Variants in ELMO3 observed in about 807,000 individuals in gnomAD.
ELMO3 encodes engulfment and cell motility protein 3.
Under a neutral mutation model 89.0 loss-of-function variants are expected in ELMO3, and 81 were observed. The ratio of observed to expected loss-of-function variants is 0.91; its 90% CI spans 0.76 to 1.09. The LOEUF (loss-of-function observed/expected upper bound fraction) is 1.09, where lower values mean the gene tolerates loss of function less well. Among genes scored for constraint, ELMO3 ranks in the 50% least tolerant of loss-of-function variants. ELMO3 has a pLI of 0.00. For missense variants in ELMO3, 959 were observed against 972.8 expected (o/e 0.99, Z 0.19); for synonymous variants, 406 against 400.6 (o/e 1.01, Z -0.16).
At position 67,202,225 on chromosome 16, in the gene ELMO3, C is replaced by A; in HGVS notation, c.1202C>A (p.Ala401Asp). 6.2e-7 allele frequency: 1 copy of A among 1,605,514 alleles called. No individual in the cohort carries two copies. The highest frequency in any genetic ancestry group is 1.7e-5 in the Admixed American group (1 of 59,750). The change falls in exon 13 of 20, where the codon GCC becomes GAC. Residue 401 changes from alanine (A) to aspartate (D), a missense_variant. By Grantham distance (126) the Ala-to-Asp change is moderately radical. Transcript: ENST00000393997. ...GAGGACAAGCACGAGTGCCCCTTTG[C>A]CCGGGGCAGCATCCAGCTGACGGTG... ...SREDKHECPF[A>D]RGSIQLTVLL...
At chr16:67,199,913 C>T in intron 3 of ELMO3, 38 bp from the exon 4 acceptor site, 2 of 1,613,884 alleles carry the variant, frequency 1.2e-6, no homozygotes, top group Non-Finnish European at 8.5e-7. Context: ...CCTCGGAGCC[C>T]TCCCTGACCT....
rs757403535 is a variant in ELMO3, at chr16:67,202,483, T to C, written c.1348T>C (p.Leu450=). 3.1e-6 allele frequency: 5 copies of C among 1,613,084 alleles called. No individual in the cohort carries two copies. Among genetic ancestry groups the C allele is most frequent in the East Asian group, 2.2e-5 (1 of 44,882 alleles). ...HELFCVGIQL[L]NKTWKEMRAT... Reference sequence around the variant, plus strand: ...GCTCTTCTGTGTGGGCATCCAGCTGTTGAATAAGACCTGGAAGGAGATGCG... The same window carrying C: ...GCTCTTCTGTGTGGGCATCCAGCTGCTGAATAAGACCTGGAAGGAGATGCG... The change falls in exon 14 of 20, where the codon TTG becomes CTG. Residue 450 remains leucine, a synonymous_variant. Coordinates refer to ENST00000393997, the MANE Select transcript of ELMO3 (RefSeq NM_024712.5).
chr16:67,199,733 C>T lies in ELMO3; in HGVS notation c.169C>T (p.His57Tyr), dbSNP rs1597279122. 2 of 1,611,344 alleles carry T rather than the reference C, an allele frequency of 1.2e-6. No homozygotes were observed. Among genetic ancestry groups the T allele is most frequent in the East Asian group, 2.2e-5 (1 of 44,864 alleles). ...ERYALQFADG[H>Y]RRYITENNRA... is the part of the protein sequence containing the mutation. ...TTACGCCCTGCAGTTTGCGGATGGG[C>T]ACCGGAGATACATCACCGAGAATGT... The change falls in exon 3 of 20, where the codon CAC becomes TAC. Residue 57 changes from histidine to tyrosine, a missense_variant. His to Tyr is a moderately conservative substitution (Grantham distance 83). Transcript: ENST00000393997.
At chr16:67,199,889 C>T in intron 3 of ELMO3, 62 bp from the exon 4 acceptor site, 2 of 1,612,164 alleles carry the variant, frequency 1.2e-6, no homozygotes, top group Non-Finnish European at 1.7e-6. Flanking sequence ...TCACCGACAC[C>T]CCAGTTGATC....
rs776604078 is a variant in ELMO3, at chr16:67,202,059, C to T, written c.1133C>T (p.Ala378Val). ...LDNMLYFSRN[A>V]PSAYSRFVLE... ...AACATGTTGTACTTCTCCAGAAACG[C>T]GCCCAGCGCGTACAGCCGGGTCGGT... The change falls in exon 12 of 20, where the codon GCG becomes GTG. Residue 378 changes from alanine to valine, a missense_variant. Ala to Val is a moderately conservative substitution (Grantham distance 64). Coordinates refer to ENST00000393997, the MANE Select transcript of ELMO3 (RefSeq NM_024712.5). 9.3e-6 allele frequency: 15 copies of T among 1,613,062 alleles called. No individual in the cohort carries two copies. The highest frequency in any genetic ancestry group is 4.4e-5 in the South Asian group (4 of 91,076).
Position 67,200,723 on chromosome 16 carries a change from G to C in ELMO3, c.580G>C (p.Glu194Gln), listed in dbSNP as rs559407158. The C allele has an allele frequency of 6.2e-7, 1 of 1,613,666 alleles. No homozygotes were observed. The highest frequency in any genetic ancestry group is 8.5e-7 in the Non-Finnish European group (1 of 1,180,014). The change falls in exon 7 of 20, where the codon GAG becomes CAG. Residue 194 changes from glutamate to glutamine, a missense_variant. Coordinates refer to ENST00000393997, the MANE Select transcript of ELMO3 (RefSeq NM_024712.5). The stretch of plus-strand genomic sequence containing the variant: ...GCCTCCCCTGGCCCTTGGGCTGCTG[G>C]AGAGTGTGACCTTGAGCAGCCCAGC... ...SVPPLALGLL[E>Q]SVTLSSPALG...
In ELMO3 at chr16:67,202,973, C is replaced by T. The variant is rs746117696; in HGVS notation, c.1644C>T (p.Leu548=). 2.7e-5 allele frequency: 43 copies of T among 1,607,796 alleles called. No homozygotes were observed. The East Asian group carries it at 8.2e-4, about 31-fold the overall frequency. Residue 548 remains leucine (L), a synonymous_variant, in exon 16 of 20, where the codon CTC becomes CTT. Coordinates refer to ENST00000393997, the MANE Select transcript of ELMO3 (RefSeq NM_024712.5). The part of the protein sequence containing the change: ...QRLLRLCEGT[L]FRKISSRRRQ... Reference sequence around the variant, plus strand: ...TGCTCCGCCTCTGTGAGGGGACGCTCTTCCGCAAGATCAGCAGCCGGCGGC... The same window carrying T: ...TGCTCCGCCTCTGTGAGGGGACGCTTTTCCGCAAGATCAGCAGCCGGCGGC...
rs1310018158 is a variant in ELMO3 at position 67,199,389 on chromosome 16, C to T, written c.63C>T (p.Leu21=). 1 of 1,607,130 alleles carries T rather than the reference C, an allele frequency of 6.2e-7. No homozygotes were observed. The highest frequency in any genetic ancestry group is 8.5e-7 in the Non-Finnish European group (1 of 1,179,026). ...AIKMRDAIPQ[L]IQLDQAKPLA... ...AGATGCGTGACGCCATCCCGCAGCT[C>T]ATCCAGCTGGACCAGGTCACCCGGC... Residue 21 remains leucine, a synonymous_variant, in exon 1 of 20, where the codon CTC becomes CTT. Transcript: ENST00000393997.
rs751599412 is a variant in ELMO3, at chr16:67,202,582, C to G, written c.1399-45C>G. ...GCCTGGGCCAGGGCAGGGGGCTGATCTGGGTACAGAGCTTAGGCCCTGAGC... is the reference window on the plus strand; with the variant it reads ...GCCTGGGCCAGGGCAGGGGGCTGATGTGGGTACAGAGCTTAGGCCCTGAGC... On this transcript the variant is annotated intron_variant, in intron 14 of 19. Coordinates refer to ENST00000393997, the MANE Select transcript of ELMO3 (RefSeq NM_024712.5). The G allele has an allele frequency of 1.9e-6, 3 of 1,612,394 alleles. No homozygotes were observed. The Admixed American group carries it at 5.0e-5, about 27-fold the overall frequency.
chr16:67,202,741 C>T lies in ELMO3; in HGVS notation c.1513C>T (p.Arg505Trp), dbSNP rs745521301. 3.7e-6 allele frequency: 6 copies of T among 1,613,600 alleles called. No individual in the cohort carries two copies. The highest frequency in any genetic ancestry group is 5.1e-6 in the Non-Finnish European group (6 of 1,179,984). Residue 505 changes from arginine (R) to tryptophan (W), a missense_variant, in exon 15 of 20, where the codon CGG becomes TGG. Coordinates refer to ENST00000393997, the MANE Select transcript of ELMO3 (RefSeq NM_024712.5). ...CACTTATGGGGAGGTGCTGCGGCTG[C>T]GGCAGACTGAACGGCTGCACCAGGA... ...ALTYGEVLRL[R>W]QTERLHQEGT...
At chr16:67,201,337 G>T in intron 8 of ELMO3, 48 bp from the exon 9 acceptor site, 1 of 1,610,948 alleles carries the variant, frequency 6.2e-7, no homozygotes, top group Non-Finnish European at 8.5e-7. Context: ...GATTACAGGC[G>T]TGAGCCACCG....
chr16:67,199,414 C>T lies in ELMO3; in HGVS notation c.78+10C>T. 7 of 1,603,056 alleles carry T rather than the reference C, an allele frequency of 4.4e-6. No individual in the cohort carries two copies. Among genetic ancestry groups the T allele is most frequent in the Non-Finnish European group, 5.9e-6 (7 of 1,179,042 alleles). Reference sequence around the variant, plus strand: ...CATCCAGCTGGACCAGGTCACCCGGCTGGTCCCGCCTCCATCTGCCCCACT... The same window carrying T: ...CATCCAGCTGGACCAGGTCACCCGGTTGGTCCCGCCTCCATCTGCCCCACT... On this transcript the variant is annotated intron_variant, in intron 1 of 19. Coordinates refer to ENST00000393997, the MANE Select transcript of ELMO3 (RefSeq NM_024712.5).
chr16:67,201,311 C>T, intron 8 of ELMO3, 74 bp from the exon 9 acceptor site: 5 of 1,597,490 alleles, frequency 3.1e-6, no homozygotes, highest in Non-Finnish European at 4.3e-6. Flanking sequence ...CCCGCCTTGG[C>T]CTCCCAAAGT....
At position 67,199,789 on chromosome 16, in the gene ELMO3, C is replaced by G. The variant is rs762490569; in HGVS notation, c.192+33C>G. 3 of 1,607,024 alleles carry G rather than the reference C, an allele frequency of 1.9e-6. No homozygotes were observed. The African/African-American group carries it at 4.0e-5, about 22-fold the overall frequency. The stretch of plus-strand genomic sequence containing the variant: ...CCCTCTCCCCAGCCCCAAGCTCGGC[C>G]TTCCGACCCCTCTAACCCACCTGGC... On this transcript the variant is annotated intron_variant, in intron 3 of 19. Coordinates refer to ENST00000393997, the MANE Select transcript of ELMO3 (RefSeq NM_024712.5).
At position 67,199,217 on chromosome 16, in the gene ELMO3, G is replaced by A. The variant is rs1346964926; in HGVS notation, c.-110G>A. The A allele has an allele frequency of 1.2e-6, 2 of 1,611,252 alleles. No homozygotes were observed. The highest frequency in any genetic ancestry group is 1.7e-6 in the Non-Finnish European group (2 of 1,179,518). ...CGCGAGTGCGGGACACCGAGGTCAG[G>A]TCTCGGAAAGGGAGGACCTCCTCGT... is the stretch of plus-strand genomic sequence containing the variant. On this transcript the variant is annotated 5_prime_UTR_variant, in exon 1 of 20. Transcript: ENST00000393997.
rs770450376 is a variant in ELMO3 at position 67,201,749 on chromosome 16, G to A, written c.926G>A (p.Arg309Gln). ...TPLDPYSQEQ[R>Q]EQLQVLRQAA... Reference sequence around the variant, plus strand: ...ACCCAACACTGACCCCAGGAGCAGCGGGAGCAGCTGCAGGTCCTACGCCAG... The same window carrying A: ...ACCCAACACTGACCCCAGGAGCAGCAGGAGCAGCTGCAGGTCCTACGCCAG... The change falls in exon 11 of 20, where the codon CGG becomes CAG. Residue 309 changes from arginine (R) to glutamine (Q), a missense_variant. Coordinates refer to ENST00000393997, the MANE Select transcript of ELMO3 (RefSeq NM_024712.5). 46 of 1,610,118 alleles carry A rather than the reference G, an allele frequency of 2.9e-5. 1 individual carries two copies. In the East Asian group the frequency reaches 6.7e-4, roughly 23 times the overall value.
In ELMO3 at chr16:67,202,778, C is replaced by A. The variant is rs1409403666; in HGVS notation, c.1550C>A (p.Ala517Asp). The stretch of plus-strand genomic sequence containing the variant: ...CGGCTGCACCAGGAGGGCACACTGG[C>A]TCCCCCTATACTGTGAGTCTGGGGG... ...TERLHQEGTL[A>D]PPILELREKL... is the part of the protein sequence containing the mutation. The change falls in exon 15 of 20, where the codon GCT becomes GAT. Residue 517 changes from alanine to aspartate, a missense_variant. Transcript: ENST00000393997. 6.2e-7 allele frequency: 1 copy of A among 1,613,442 alleles called. No individual in the cohort carries two copies. The highest frequency in any genetic ancestry group is 2.2e-5 in the East Asian group (1 of 44,876).
rs371551984 is a variant in ELMO3, at chr16:67,203,381, G to A, written c.1835G>A (p.Arg612Gln). The change falls in exon 18 of 20, where the codon CGG becomes CAG. Residue 612 changes from arginine to glutamine, a missense_variant. Coordinates refer to ENST00000393997, the MANE Select transcript of ELMO3 (RefSeq NM_024712.5). This position sits in a 1 kb window ranked among gnomAD's most constrained non-coding sequence, Gnocchi z 4.6. The stretch of plus-strand genomic sequence containing the variant: ...ACAGGCAAGGACTGCCCCCATGTCC[G>A]GGAGAAGGGCTCCGGGAAGCAGAAC... The part of the protein sequence containing the change: ...LLTGKDCPHV[R>Q]EKGSGKQNKD... 46 of 1,610,436 alleles carry A rather than the reference G, an allele frequency of 2.9e-5. No individual in the cohort carries two copies. Among genetic ancestry groups the A allele is most frequent in the African/African-American group, 2.0e-4 (15 of 74,858 alleles).
rs773629922 is a variant in ELMO3 at position 67,199,994 on chromosome 16, C to G, written c.236C>G (p.Thr79Arg). ...AATGGCAGCATCCTGTGCCTCAGCA[C>G]GGCCCCAGTAATGCCCCTCCCGTCC... ...IKNGSILCLS[T>R]APDLEAEQLL... The change falls in exon 4 of 20, where the codon ACG becomes AGG. Residue 79 changes from threonine (T) to arginine (R), a missense_variant. By Grantham distance (71) the Thr-to-Arg change is moderately conservative (BLOSUM62 -1). Transcript: ENST00000393997. 1.2e-6 allele frequency: 2 copies of G among 1,613,780 alleles called. No individual in the cohort carries two copies. The highest frequency in any genetic ancestry group is 1.1e-5 in the South Asian group (1 of 91,086).
Sources: gnomAD v4.1 joint callset for allele counts on GRCh38, gnomAD v4.1.1 for gene constraint, Gnocchi (gnomAD v3.1) non-coding constraint, MANE v1.5 for transcripts, NCBI Gene and HGNC (gene_info 2026-07-23, HGNC 2026-07-21) for gene names.